The following MRGPRE variants were observed in gnomAD, a reference collection of about 807,000 sequenced individuals.
MRGPRE encodes mas-related G protein-coupled receptor member E.
For missense variants in MRGPRE, 466 were observed against 433.4 expected, an observed-to-expected ratio of 1.08 and a Z score of -0.67; for synonymous variants, 229 against 206.7, an observed-to-expected ratio of 1.11 and a Z score of -0.92.
rs60799467 is a variant in MRGPRE at position 3,229,212 on chromosome 11, C to CTTT, written c.-61-355_-61-353dup. On this transcript the variant is annotated intron_variant, in intron 1 of 1. Coordinates refer to ENST00000389832, the MANE Select transcript of MRGPRE (RefSeq NM_001039165.4). The surrounding 1 kb of genome is among the most constrained non-coding windows in gnomAD (Gnocchi z 4.4). ...GTGGTGCCTTGATCCTCAGAATGGGCTTTTTTTTTTTTTTTTTTTTTTTTT... is the reference window on the plus strand; with the variant it reads ...GTGGTGCCTTGATCCTCAGAATGGGCTTTTTTTTTTTTTTTTTTTTTTTTTTTT... Among the ~76,000 whole-genome samples the CTTT allele has an allele frequency of 0.012, 1,527 of 126,084 alleles. 271 individuals are homozygous for CTTT. Among genetic ancestry groups the CTTT allele is most frequent in the African/African-American group, 0.044 (1,295 of 29,520 alleles). The allele number at this position is 126,084 out of a possible 152,430, so 82.7% of individuals were successfully genotyped here.
rs763304989 is a variant in MRGPRE at position 3,228,320 on chromosome 11, G to T, written c.480C>A (p.Gly160=). ...LCLLLHLLLS[G]ACTQFFGEPS... is the part of the protein sequence containing the mutation. Reference sequence around the variant, plus strand: ...GCTCCCCGAAGAACTGGGTGCAGGCGCCGCTGAGCAGCAGGTGCAGCAGCA... The same window carrying T: ...GCTCCCCGAAGAACTGGGTGCAGGCTCCGCTGAGCAGCAGGTGCAGCAGCA... Residue 160 remains glycine, a synonymous_variant, in exon 2 of 2, where the codon GGC becomes GGA. Transcript: ENST00000389832. 14 of 1,558,068 alleles carry T rather than the reference G, an allele frequency of 9.0e-6. No homozygotes were observed. Among genetic ancestry groups the T allele is most frequent in the Non-Finnish European group, 1.2e-5 (14 of 1,154,636 alleles).
At position 3,228,162 on chromosome 11, in the gene MRGPRE, C is replaced by T. The variant is rs564898039; in HGVS notation, c.638G>A (p.Arg213Gln). ...GAGGAGGATGAGCCCAGGGAAGCCC[C>T]GGGGTGGGGGCCGCTGGGGGCCTCG... is the stretch of plus-strand genomic sequence containing the variant. ...VERGPQRPPPRGFPGLILLTV... is the reference protein window; with the variant it reads ...VERGPQRPPPQGFPGLILLTV... Residue 213 changes from arginine to glutamine, a missense_variant, in exon 2 of 2, where the codon CGG (arginine) becomes CAG (glutamine). Arg to Gln is a conservative substitution (Grantham distance 43). Transcript: ENST00000389832. 16 of 1,572,746 alleles carry T rather than the reference C, an allele frequency of 1.0e-5. No homozygotes were observed. The highest frequency in any genetic ancestry group is 2.7e-5 in the African/African-American group (2 of 74,628).
chr11:3,225,121 G>A lies in MRGPRE; in HGVS notation c.*2740C>T, dbSNP rs1464991189. 1.3e-5 allele frequency among the ~76,000 whole-genome samples: 2 copies of A among 152,250 alleles called. No individual in the cohort carries two copies. Among genetic ancestry groups the A allele is most frequent in the Admixed American group, 6.5e-5 (1 of 15,282 alleles). On this transcript the variant is annotated 3_prime_UTR_variant, in exon 2 of 2. Transcript: ENST00000389832. ...TGAGCCTGCCTCTCCCCGTGAAGACGCCATGCAGCGCAGGCTGATTTACAG... is the reference window on the plus strand; with the variant it reads ...TGAGCCTGCCTCTCCCCGTGAAGACACCATGCAGCGCAGGCTGATTTACAG...
At position 3,228,145 on chromosome 11, in the gene MRGPRE, T is replaced by G. The variant is rs897201149; in HGVS notation, c.655A>C (p.Ile219Leu). ...AGGAAGAGGAGGACGGTGAGGAGGA[T>G]GAGCCCAGGGAAGCCCCGGGGTGGG... Reference protein sequence around the residue: ...RPPPRGFPGLILLTVLLFLFC... With the variant: ...RPPPRGFPGLLLLTVLLFLFC... The change falls in exon 2 of 2, where the codon ATC becomes CTC. Residue 219 changes from isoleucine to leucine, a missense_variant. Coordinates refer to ENST00000389832, the MANE Select transcript of MRGPRE (RefSeq NM_001039165.4). 40 of 1,581,300 alleles carry G rather than the reference T, an allele frequency of 2.5e-5. No homozygotes were observed. The highest frequency in any genetic ancestry group is 3.5e-5 in the South Asian group (3 of 86,776).
rs1847804405 is a variant in MRGPRE, at chr11:3,229,282, A to G, written c.-61-422T>C. Among the ~76,000 whole-genome samples, 1 of 141,572 alleles carries G rather than the reference A, an allele frequency of 7.1e-6. No individual in the cohort carries two copies. Among genetic ancestry groups the G allele is most frequent in the African/African-American group, 2.7e-5 (1 of 36,382 alleles). 92.9% of individuals were successfully genotyped at this position (141,572 alleles called of 152,430 possible). ...CTCTGTTGCCCCAGGCTAGAGTGCA[A>G]TGGCACCATCTCGGCTCACTGCAAC... On this transcript the variant is annotated intron_variant, in intron 1 of 1. Coordinates refer to ENST00000389832, the MANE Select transcript of MRGPRE (RefSeq NM_001039165.4). The surrounding 1 kb of genome is among the most constrained non-coding windows in gnomAD (Gnocchi z 4.4).
rs141151609 is a variant in MRGPRE at position 3,227,379 on chromosome 11, C to T, written c.*482G>A. 6.6e-5 allele frequency among the ~76,000 whole-genome samples: 10 copies of T among 152,260 alleles called. No individual in the cohort carries two copies. In the East Asian group the frequency reaches 1.5e-3, roughly 24 times the overall value. Reference sequence around the variant, plus strand: ...GTCAATTTAGCTTCCACAGCGGGCACAAGGCGAGCTGAGGGGATGGTTGTG... The same window carrying T: ...GTCAATTTAGCTTCCACAGCGGGCATAAGGCGAGCTGAGGGGATGGTTGTG... On this transcript the variant is annotated 3_prime_UTR_variant, in exon 2 of 2. Coordinates refer to ENST00000389832, the MANE Select transcript of MRGPRE (RefSeq NM_001039165.4).
rs1043809737 is a variant in MRGPRE at position 3,227,126 on chromosome 11, G to A, written c.*735C>T. On this transcript the variant is annotated 3_prime_UTR_variant, in exon 2 of 2. Coordinates refer to ENST00000389832, the MANE Select transcript of MRGPRE (RefSeq NM_001039165.4). ...GAAGCTTTCTGGTTGCTGAAGACCT[G>A]GGTCCTGTGGGGAGACAGGGCTGCA... Among the ~76,000 whole-genome samples, 2 of 152,142 alleles carry A rather than the reference G, an allele frequency of 1.3e-5. No homozygotes were observed. Among genetic ancestry groups the A allele is most frequent in the South Asian group, 4.1e-4 (2 of 4,832 alleles).
chr11:3,226,474 G>A lies in MRGPRE; in HGVS notation c.*1387C>T, dbSNP rs1407801258. 6.6e-6 allele frequency: 1 copy of A among 152,266 alleles called. No individual in the cohort carries two copies. Among genetic ancestry groups the A allele is most frequent in the African/African-American group, 2.4e-5 (1 of 41,460 alleles). 9.4% of individuals were successfully genotyped at this position (152,266 alleles called of 1,614,324 possible). ...CAGCCCCTGGGGCTCCCAGTCTCAA[G>A]GGATACCTGGACCCAGGCCTGCTGG... On this transcript the variant is annotated 3_prime_UTR_variant, in exon 2 of 2. Coordinates refer to ENST00000389832, the MANE Select transcript of MRGPRE (RefSeq NM_001039165.4).
chr11:3,228,960 G>C (rs908051415), intron 1 of MRGPRE, 100 bp from the exon 2 acceptor site: 23 of 616,120 alleles, frequency 3.7e-5, no homozygotes, highest in Non-Finnish European at 6.3e-5. Context: ...CCAAGGGAAT[G>C]GTGAGACCCT....
In MRGPRE at chr11:3,228,229, T is replaced by G. The variant is rs1847786671; in HGVS notation, c.571A>C (p.Thr191Pro). Residue 191 changes from threonine (T) to proline (P), a missense_variant, in exon 2 of 2, where the codon ACC becomes CCC. Physicochemically the swap from Thr to Pro is conservative, Grantham distance 38. Transcript: ENST00000389832. ...AGCATAAGGCTGGCCCCACACATGG[T>G]GCAACACAGCAGAGCCAGCAGCACC... ...AAVLLALLCC[T>P]MCGASLMLLL... 2 of 1,554,488 alleles carry G rather than the reference T, an allele frequency of 1.3e-6. No individual in the cohort carries two copies. Among genetic ancestry groups the G allele is most frequent in the Non-Finnish European group, 1.7e-6 (2 of 1,150,348 alleles).
In MRGPRE at chr11:3,231,064, G is replaced by T. The variant is rs1042941602; in HGVS notation, c.-62+1077C>A. Among the ~76,000 whole-genome samples, 2 of 152,162 alleles carry T rather than the reference G, an allele frequency of 1.3e-5. No homozygotes were observed. The highest frequency in any genetic ancestry group is 3.9e-4 in the East Asian group (2 of 5,146). On this transcript the variant is annotated intron_variant, in intron 1 of 1. Transcript: ENST00000389832. This position sits in a 1 kb window ranked among gnomAD's most constrained non-coding sequence, Gnocchi z 4.7. ...GGACCCCCTCCCAGGCACAAGTCCC[G>T]TCCACCCATGGACGGAGCTATCTCC...
rs1847754410 is a variant in MRGPRE, at chr11:3,225,921, C to A, written c.*1940G>T. The A allele has an allele frequency of 6.6e-6, 1 of 152,412 alleles. No individual in the cohort carries two copies. The highest frequency in any genetic ancestry group is 2.1e-4 in the South Asian group (1 of 4,830). The allele number at this position is 152,412 out of a possible 1,614,324, so 9.4% of individuals were successfully genotyped here. A position where few individuals can be genotyped will look rare whatever the true frequency, so the allele number is the denominator to read the frequency against. On this transcript the variant is annotated 3_prime_UTR_variant, in exon 2 of 2. Coordinates refer to ENST00000389832, the MANE Select transcript of MRGPRE (RefSeq NM_001039165.4). ...TCTAAGGGTCCGCAATCTCTCTGAACCCTTATGCAGCAAAGGGGTCTGCGT... is the reference window on the plus strand; with the variant it reads ...TCTAAGGGTCCGCAATCTCTCTGAAACCTTATGCAGCAAAGGGGTCTGCGT...
Position 3,228,213 on chromosome 11 carries a change from C to G in MRGPRE, c.587G>C (p.Ser196Thr). ...CTCCACCCGCAGCAGCAGCATAAGG[C>G]TGGCCCCACACATGGTGCAACACAG... ...ALLCCTMCGA[S>T]LMLLLRVERG... Residue 196 changes from serine (S) to threonine (T), a missense_variant, in exon 2 of 2, where the codon AGC (serine) becomes ACC (threonine). Physicochemically the swap from Ser to Thr is moderately conservative, Grantham distance 58. Coordinates refer to ENST00000389832, the MANE Select transcript of MRGPRE (RefSeq NM_001039165.4). 6.4e-7 allele frequency: 1 copy of G among 1,557,042 alleles called. No homozygotes were observed. The highest frequency in any genetic ancestry group is 8.7e-7 in the Non-Finnish European group (1 of 1,151,080).
rs60799467 is a variant in MRGPRE at position 3,229,212 on chromosome 11, C to CTTTTTTTTTTTTTTTT, written c.-61-368_-61-353dup. Among the ~76,000 whole-genome samples the CTTTTTTTTTTTTTTTT allele has an allele frequency of 7.9e-6, 1 of 126,656 alleles. No individual in the cohort carries two copies. The highest frequency in any genetic ancestry group is 1.6e-5 in the Non-Finnish European group (1 of 61,640). The allele number at this position is 126,656 out of a possible 152,430, so 83.1% of individuals were successfully genotyped here. A position where few individuals can be genotyped will look rare whatever the true frequency, so the allele number is the denominator to read the frequency against. The stretch of plus-strand genomic sequence containing the variant: ...GTGGTGCCTTGATCCTCAGAATGGG[C>CTTTTTTTTTTTTTTTT]TTTTTTTTTTTTTTTTTTTTTTTTT... On this transcript the variant is annotated intron_variant, in intron 1 of 1. Coordinates refer to ENST00000389832, the MANE Select transcript of MRGPRE (RefSeq NM_001039165.4). The surrounding 1 kb of genome is among the most constrained non-coding windows in gnomAD (Gnocchi z 4.4).
chr11:3,229,004 A>T lies in MRGPRE; in HGVS notation c.-61-144T>A, dbSNP rs776121964. 2 of 552,644 alleles carry T rather than the reference A, an allele frequency of 3.6e-6. No individual in the cohort carries two copies. Among genetic ancestry groups the T allele is most frequent in the Non-Finnish European group, 6.4e-6 (2 of 311,114 alleles). 34.2% of individuals were successfully genotyped at this position (552,644 alleles called of 1,614,324 possible). A position where few individuals can be genotyped will look rare whatever the true frequency, so the allele number is the denominator to read the frequency against. ...AGACCCCTCTCTCATTTCCACCCTC[A>T]GCCACCTGACCTAAGCTTCTCTTCC... On this transcript the variant is annotated intron_variant, in intron 1 of 1. Transcript: ENST00000389832. The surrounding 1 kb of genome is among the most constrained non-coding windows in gnomAD (Gnocchi z 4.4).
rs1847820611 is a variant in MRGPRE at position 3,230,756 on chromosome 11, G to A, written c.-62+1385C>T. Among the ~76,000 whole-genome samples, 1 of 152,096 alleles carries A rather than the reference G, an allele frequency of 6.6e-6. No individual in the cohort carries two copies. The highest frequency in any genetic ancestry group is 2.1e-4 in the South Asian group (1 of 4,832). On this transcript the variant is annotated intron_variant, in intron 1 of 1. Transcript: ENST00000389832. This position sits in a 1 kb window ranked among gnomAD's most constrained non-coding sequence, Gnocchi z 5.5. ...GAGTCAAGCCTGGTTGGAGATATAGGGCTCTTCCTCCTGTCCCTGTGCTCC... is the reference window on the plus strand; with the variant it reads ...GAGTCAAGCCTGGTTGGAGATATAGAGCTCTTCCTCCTGTCCCTGTGCTCC...
rs890147623 is a variant in MRGPRE at position 3,230,884 on chromosome 11, G to A, written c.-62+1257C>T. 8.5e-5 allele frequency among the ~76,000 whole-genome samples: 13 copies of A among 152,094 alleles called. No individual in the cohort carries two copies. On this transcript the variant is annotated intron_variant, in intron 1 of 1. Coordinates refer to ENST00000389832, the MANE Select transcript of MRGPRE (RefSeq NM_001039165.4). The surrounding 1 kb of genome is among the most constrained non-coding windows in gnomAD (Gnocchi z 5.5). ...CAGCATCATCAGGAGGACACCCTGAGTGGGGCAGACGGGGCATCACTGCCA... is the reference window on the plus strand; with the variant it reads ...CAGCATCATCAGGAGGACACCCTGAATGGGGCAGACGGGGCATCACTGCCA...
In MRGPRE at chr11:3,229,828, C is replaced by T. The variant is rs773204727; in HGVS notation, c.-61-968G>A. 2.0e-5 allele frequency among the ~76,000 whole-genome samples: 3 copies of T among 152,196 alleles called. No homozygotes were observed. The highest frequency in any genetic ancestry group is 1.9e-4 in the East Asian group (1 of 5,192). ...CATGAGGAGGCTGCATCCTGCTCAA[C>T]GTTGCCCGCCCTTTCCCCATGGGGA... On this transcript the variant is annotated intron_variant, in intron 1 of 1. Coordinates refer to ENST00000389832, the MANE Select transcript of MRGPRE (RefSeq NM_001039165.4). This position sits in a 1 kb window ranked among gnomAD's most constrained non-coding sequence, Gnocchi z 4.4.
rs774547571 is a variant in MRGPRE at position 3,228,650 on chromosome 11, G to A, written c.150C>T (p.Ser50=). The change falls in exon 2 of 2, where the codon AGC becomes AGT. Residue 50 remains serine (S), a synonymous_variant. Transcript: ENST00000389832. ...CGAAGGGGTTTCTGTAGACATTGGAGCTGAGCAGCCAGAGGACTGCCCCAT... is the reference window on the plus strand; with the variant it reads ...CGAAGGGGTTTCTGTAGACATTGGAACTGAGCAGCCAGAGGACTGCCCCAT... ...LGNGAVLWLL[S]SNVYRNPFAI... is the part of the protein sequence containing the mutation. 1.2e-6 allele frequency: 2 copies of A among 1,614,142 alleles called. No individual in the cohort carries two copies. Among genetic ancestry groups the A allele is most frequent in the Admixed American group, 3.3e-5 (2 of 60,026 alleles).
Sources: allele counts gnomAD v4.1 joint callset (sites outside exome capture counted in the v4.1 genomes callset), GRCh38; gene constraint gnomAD v4.1.1; non-coding constraint Gnocchi (gnomAD v3.1); transcripts MANE v1.5; gene names NCBI Gene and HGNC (gene_info 2026-07-23, HGNC 2026-07-21).